NBEAL1: variants seen among roughly 807,000 people sequenced by gnomAD.
The protein encoded by NBEAL1 is neurobeachin like 1, also known as neurobeachin-like protein 1.
In NBEAL1, 273 loss-of-function variants were observed where a neutral mutation model predicts 351.3. The observed-to-expected ratio is 0.78, with a 90% CI of 0.70 to 0.86. The LOEUF is 0.86. Ranked by LOEUF, NBEAL1 falls within the 40% of genes least tolerant of loss-of-function variation. NBEAL1 has a pLI of 0.00. For synonymous variants in NBEAL1, 1,050 were observed against 1,086.4 expected (o/e 0.97, Z 0.66); for missense variants, 2,961 against 3,201.3 (o/e 0.92, Z 1.81).
intron 27 of NBEAL1, among the ~76,000 whole-genome samples, chr2:203,133,753 T>G (rs1449027776): frequency 3.3e-5 from 5 of 151,058 alleles, no homozygotes; most frequent in Admixed American, 6.6e-5. Flanking sequence ...TCTCTATATA[T>G]AGAGTTTATA....
chr2:203,067,815 T>C (rs1309529062), intron 6 of NBEAL1, among the ~76,000 whole-genome samples: 3 of 152,220 alleles, frequency 2.0e-5, no homozygotes, highest in Non-Finnish European at 4.4e-5. Flanking sequence ...TTGTATCAAA[T>C]TGAAATGTTC....
intron 51 of NBEAL1, among the ~76,000 whole-genome samples, chr2:203,204,836 A>G (rs1180361285): frequency 6.6e-6 from 1 of 152,136 alleles, no homozygotes; most frequent in Non-Finnish European, 1.5e-5. Context: ...TAGTGATTTG[A>G]CTGATTTCTG....
intron 2 of NBEAL1, among the ~76,000 whole-genome samples, chr2:203,018,905 A>G (rs969432415): frequency 2.6e-5 from 4 of 152,200 alleles, no homozygotes; most frequent in Non-Finnish European, 2.9e-5. Flanking sequence ...TATGTGATCA[A>G]TGTTCTTACT....
Position 203,151,576 on chromosome 2 carries a change from G to A in NBEAL1, c.5574G>A (p.Leu1858=). The A allele has an allele frequency of 1.9e-6, 3 of 1,604,078 alleles. No homozygotes were observed. The highest frequency in any genetic ancestry group is 2.5e-6 in the Non-Finnish European group (3 of 1,176,678). The part of the protein sequence containing the change: ...NFKTHEEASA[L]RDNLGIQHSQ... ...AAACCCATGAGGAAGCTAGTGCCTT[G>A]AGAGATAATCTGGGTGAGTTCCAAT... Residue 1858 remains leucine (L), a synonymous_variant, in exon 35 of 56, where the codon TTG becomes TTA. Transcript: ENST00000683969.
In NBEAL1 at chr2:203,221,450, A is replaced by G. The variant is rs1048394711; in HGVS notation, c.*4096A>G. On this transcript the variant is annotated 3_prime_UTR_variant, in exon 56 of 56. Transcript: ENST00000683969. ...TAAAGATTGGTCTTTTCAAATATGT[A>G]TATTTAAACCTGTCTTCTGGAAACA... 2.0e-5 allele frequency among the ~76,000 whole-genome samples: 3 copies of G among 151,936 alleles called. No individual in the cohort carries two copies. The highest frequency in any genetic ancestry group is 1.3e-4 in the Admixed American group (2 of 15,244).
chr2:203,130,225 G>C lies in NBEAL1; in HGVS notation c.3406-93G>C, dbSNP rs184048496. On this transcript the variant is annotated intron_variant, in intron 24 of 55. Coordinates refer to ENST00000683969, the MANE Select transcript of NBEAL1 (RefSeq NM_001378026.1). ...TGAAGTTAAGATAAAACATTATATA[G>C]GATTTAATTAAATAACTTTTGTGGC... 249 of 1,181,142 alleles carry C rather than the reference G, an allele frequency of 2.1e-4. 5 individuals are homozygous for C. In the East Asian group the frequency reaches 5.9e-3, roughly 28 times the overall value. 73.2% of individuals were successfully genotyped at this position (1,181,142 alleles called of 1,614,324 possible). A position where few individuals can be genotyped will look rare whatever the true frequency, so the allele number is the denominator to read the frequency against.
chr2:203,180,980 A>T, intron 43 of NBEAL1: 1 of 103,742 alleles, frequency 9.6e-6, no homozygotes, highest in African/African-American at 3.7e-5. Flanking sequence ...CTTTTCCCTT[A>T]GGCTGGAATG....
intron 27 of NBEAL1, 46 bp downstream of exon 27, chr2:203,133,192 TCATGCTATAAA>T (rs2063115146): frequency 1.2e-6 from 1 of 809,074 alleles, no homozygotes; most frequent in African/African-American, 1.8e-5. Context: ...AGCATCACCA[TCATGCTATAAA>T]TAACTTTGCA....
intron 35 of NBEAL1, among the ~76,000 whole-genome samples, chr2:203,157,257 G>A (rs1459537181): frequency 1.3e-5 from 2 of 151,968 alleles, no homozygotes; most frequent in African/African-American, 2.4e-5. Flanking sequence ...AAACACTTTC[G>A]CTCTTGGTCT....
chr2:203,216,040 C>T (rs546943183), intron 55 of NBEAL1, among the ~76,000 whole-genome samples: 172 of 150,520 alleles, frequency 1.1e-3, no homozygotes, highest in African/African-American at 4.1e-3. Context: ...GGTGGAATCA[C>T]CATTAAAAAG....
At chr2:203,180,302 A>C in intron 42 of NBEAL1, 80 bp from the exon 43 acceptor site, 3 of 1,322,726 alleles carry the variant, frequency 2.3e-6, no homozygotes, top group Non-Finnish European at 2.1e-6. Context: ...AGGAACCCTG[A>C]AGGGAGTTTA....
intron 36 of NBEAL1, among the ~76,000 whole-genome samples, chr2:203,164,570 A>G (rs1329249736): frequency 6.6e-6 from 1 of 152,026 alleles, no homozygotes; most frequent in Non-Finnish European, 1.5e-5. Flanking sequence ...AGGGTTACTC[A>G]TGGCTCTATT....
At chr2:203,199,593 C>T (rs1271606297) in intron 49 of NBEAL1, 146 bp downstream of exon 49, 4 of 497,844 alleles carry the variant, frequency 8.0e-6, no homozygotes, top group Non-Finnish European at 1.1e-5. Flanking sequence ...GGTGCAGTGG[C>T]GCAATCCCCA....
rs540182285 is a variant in NBEAL1, at chr2:203,107,473, C to T, written c.1323C>T (p.Ser441=). ...GYTHMLEVLK[S]LGQPPLELLK... Reference sequence around the variant, plus strand: ...CACATATGCTTGAAGTATTAAAATCCCTGGGTCAGCCACCACTGGAATTAC... The same window carrying T: ...CACATATGCTTGAAGTATTAAAATCTCTGGGTCAGCCACCACTGGAATTAC... The change falls in exon 13 of 56, where the codon TCC becomes TCT. Residue 441 remains serine (S), a synonymous_variant. Coordinates refer to ENST00000683969, the MANE Select transcript of NBEAL1 (RefSeq NM_001378026.1). 12 of 1,551,292 alleles carry T rather than the reference C, an allele frequency of 7.7e-6. No individual in the cohort carries two copies. The African/African-American group carries it at 8.2e-5, about 11-fold the overall frequency.
rs2065929828 is a variant in NBEAL1, at chr2:203,219,269, T to G, written c.*1915T>G. On this transcript the variant is annotated 3_prime_UTR_variant, in exon 56 of 56. Transcript: ENST00000683969. The stretch of plus-strand genomic sequence containing the variant: ...TCAAAACCTACTAAGTTTTATTTTG[T>G]TATTTATCCAGAGATTTTGATGTAA... The G allele has an allele frequency of 6.6e-6, 1 of 152,146 alleles. No homozygotes were observed. Among genetic ancestry groups the G allele is most frequent in the South Asian group, 2.1e-4 (1 of 4,830 alleles). The allele number at this position is 152,146 out of a possible 1,614,324, so 9.4% of individuals were successfully genotyped here.
At chr2:203,208,811 C>A in intron 52 of NBEAL1, 58 bp downstream of exon 52, 1 of 1,313,158 alleles carries the variant, frequency 7.6e-7, no homozygotes, top group Non-Finnish European at 1.1e-6. Context: ...ATTACCAACA[C>A]TTATAACTAA....
At chr2:203,065,769 C>T (rs554948072) in intron 6 of NBEAL1, among the ~76,000 whole-genome samples, 1 of 151,822 alleles carries the variant, frequency 6.6e-6, no homozygotes, top group African/African-American at 2.4e-5. Flanking sequence ...AAAAAAGAAG[C>T]CTGGTTAAAT....
chr2:203,188,934 A>G (rs190230924), intron 45 of NBEAL1, among the ~76,000 whole-genome samples: 2 of 152,358 alleles, frequency 1.3e-5, no homozygotes, highest in Admixed American at 1.3e-4. Flanking sequence ...AATGATACAT[A>G]TGATGGCATT....
chr2:203,098,209 G>A (rs2062225587), intron 11 of NBEAL1, among the ~76,000 whole-genome samples: 1 of 151,638 alleles, frequency 6.6e-6, no homozygotes, highest in Admixed American at 6.6e-5. Flanking sequence ...AATACATTAG[G>A]TAATTTAGTT....
Sources: allele counts gnomAD v4.1 joint callset (sites outside exome capture counted in the v4.1 genomes callset), GRCh38; gene constraint gnomAD v4.1.1; transcripts MANE v1.5; gene names NCBI Gene and HGNC (gene_info 2026-07-23, HGNC 2026-07-21).